The following CHIC2 variants were observed in gnomAD, a reference collection of about 807,000 sequenced individuals.
The protein encoded by CHIC2 is cysteine-rich hydrophobic domain-containing protein 2.
Under a neutral mutation model 25.9 loss-of-function variants are expected in CHIC2, and 14 were observed. That is an observed-to-expected ratio of 0.54 (90% CI 0.36 to 0.85). The LOEUF is 0.85. Among genes scored for constraint, CHIC2 ranks in the 40% least tolerant of loss-of-function variants. The probability of loss-of-function intolerance (pLI) is 0.01; values close to 1 mark genes in which losing one functional copy is unlikely to be tolerated. For missense variants in CHIC2, 146 were observed against 202.0 expected, an observed-to-expected ratio of 0.72 and a Z score of 1.68; for synonymous variants, 70 against 72.0, an observed-to-expected ratio of 0.97 and a Z score of 0.14.
At chr4:54,046,280 C>T (rs1467442745) in intron 3 of CHIC2, among the ~76,000 whole-genome samples, 1 of 152,156 alleles carries the variant, frequency 6.6e-6, no homozygotes, top group African/African-American at 2.4e-5. Context: ...TGACTTTCTT[C>T]ACAGAATTGG....
chr4:54,090,198 TA>T, the CHIC2 span, among the ~76,000 whole-genome samples: 2 of 151,990 alleles, frequency 1.3e-5, no homozygotes, highest in Admixed American at 6.6e-5. Context: ...TATATATATA[TA>T]TTTTTTAGAT....
At chr4:54,069,703 C>T in the CHIC2 span, among the ~76,000 whole-genome samples, 1 of 152,192 alleles carries the variant, frequency 6.6e-6, no homozygotes, top group African/African-American at 2.4e-5. Context: ...AGTTTCTAAG[C>T]ATTTTAGGTG....
intron 3 of CHIC2, among the ~76,000 whole-genome samples, chr4:54,020,111 T>C (rs1377045091): frequency 1.3e-5 from 2 of 152,164 alleles, no homozygotes; most frequent in African/African-American, 2.4e-5. Flanking sequence ...TAAGCCATCA[T>C]ATCCCCTGTG....
intron 3 of CHIC2, among the ~76,000 whole-genome samples, chr4:54,023,634 T>C (rs1252129396): frequency 6.6e-6 from 1 of 152,180 alleles, no homozygotes; most frequent in Non-Finnish European, 1.5e-5. Flanking sequence ...TTGATGGCAG[T>C]TCCACCAGGC....
chr4:54,031,517 G>A (rs1244237390), intron 3 of CHIC2, among the ~76,000 whole-genome samples: 2 of 149,388 alleles, frequency 1.3e-5, no homozygotes, highest in Non-Finnish European at 3.0e-5. Context: ...CAAACACTGA[G>A]AATAATAATA....
At chr4:54,072,700 A>T in the CHIC2 span, among the ~76,000 whole-genome samples, 4 of 152,228 alleles carry the variant, frequency 2.6e-5, no homozygotes, top group Non-Finnish European at 5.9e-5. Context: ...ATACGTCTTC[A>T]TCTGTTAGTT....
chr4:54,056,022 G>A (rs1342754391), intron 1 of CHIC2, among the ~76,000 whole-genome samples: 1 of 152,076 alleles, frequency 6.6e-6, no homozygotes, highest in African/African-American at 2.4e-5. Flanking sequence ...TCTCATTCAG[G>A]AAACTAGTGA....
chr4:54,069,792 T>C, the CHIC2 span, among the ~76,000 whole-genome samples: 1 of 152,224 alleles, frequency 6.6e-6, no homozygotes, highest in Non-Finnish European at 1.5e-5. Flanking sequence ...TGAGAAAGCA[T>C]ATAAACCCTC....
upstream of CHIC2, among the ~76,000 whole-genome samples, chr4:54,068,133 A>G (rs1439669786): frequency 6.6e-6 from 1 of 152,166 alleles, no homozygotes; most frequent in East Asian, 1.9e-4. Flanking sequence ...AGCCAGGAAG[A>G]GAACTCTCAC....
intron 3 of CHIC2, among the ~76,000 whole-genome samples, chr4:54,043,632 C>G (rs1243899906): frequency 2.0e-5 from 3 of 152,036 alleles, no homozygotes; most frequent in Admixed American, 6.6e-5. Context: ...CAGGCCTGCC[C>G]TAAAAGAGCT....
intron 3 of CHIC2, among the ~76,000 whole-genome samples, chr4:54,022,538 T>G (rs1352836707): frequency 6.6e-6 from 1 of 152,062 alleles, no homozygotes; most frequent in East Asian, 1.9e-4. Context: ...TTTTTAGTTA[T>G]CCCCACCTGC....
At chr4:54,078,054 A>C in the CHIC2 span, among the ~76,000 whole-genome samples, 18 of 152,362 alleles carry the variant, frequency 1.2e-4, no homozygotes, top group East Asian at 3.5e-3. Context: ...ATCTCAGATC[A>C]ACTGAGAATG....
At chr4:54,080,591 C>T in the CHIC2 span, among the ~76,000 whole-genome samples, 2 of 151,666 alleles carry the variant, frequency 1.3e-5, no homozygotes, top group Non-Finnish European at 2.9e-5. Context: ...CATGGTGAAA[C>T]CCCATCTCTA....
chr4:54,037,120 T>C (rs1577974051), intron 3 of CHIC2, among the ~76,000 whole-genome samples: 3 of 152,204 alleles, frequency 2.0e-5, no homozygotes, highest in South Asian at 4.2e-4. Flanking sequence ...ATCCCAGCAC[T>C]TTGGGAGGCT....
At chr4:54,084,387 C>G in the CHIC2 span, among the ~76,000 whole-genome samples, 9 of 152,012 alleles carry the variant, frequency 5.9e-5, no homozygotes, top group Non-Finnish European at 2.9e-5. Context: ...CACTAAGAGT[C>G]CTGTCTGGAT....
upstream of CHIC2, among the ~76,000 whole-genome samples, chr4:54,066,537 A>G (rs554819871): frequency 9.2e-5 from 14 of 151,942 alleles, no homozygotes; most frequent in African/African-American, 3.4e-4. Flanking sequence ...TATTTCAGAG[A>G]TGCTATGTGG....
At chr4:54,042,360 T>C (rs1222270100) in intron 3 of CHIC2, among the ~76,000 whole-genome samples, 1 of 152,168 alleles carries the variant, frequency 6.6e-6, no homozygotes, top group Admixed American at 6.5e-5. Context: ...CAATCTTACA[T>C]CTCACATAAG....
intron 1 of CHIC2, among the ~76,000 whole-genome samples, chr4:54,056,382 A>G (rs1717175564): frequency 6.6e-6 from 1 of 152,196 alleles, no homozygotes; most frequent in South Asian, 2.1e-4. Context: ...GAGCAAAATA[A>G]TGATGCTAAA....
the CHIC2 span, among the ~76,000 whole-genome samples, chr4:54,085,713 T>A: frequency 6.6e-6 from 1 of 152,178 alleles, no homozygotes; most frequent in Admixed American, 6.5e-5. Flanking sequence ...GCTAAAGAAT[T>A]CCACAGGCCG....
Sources: gnomAD v4.1 joint callset for allele counts (sites outside exome capture counted in the v4.1 genomes callset) on GRCh38, gnomAD v4.1.1 for gene constraint, MANE v1.5 for transcripts, NCBI Gene and HGNC (gene_info 2026-07-23, HGNC 2026-07-21) for gene names.